The following ROBO2 variants were observed in gnomAD, a reference collection of about 807,000 sequenced individuals.
ROBO2 encodes the protein roundabout homolog 2.
In ROBO2, 53 loss-of-function variants were observed where a neutral mutation model predicts 160.8. The observed-to-expected ratio is 0.33, with a 90% CI of 0.26 to 0.41. The LOEUF (loss-of-function observed/expected upper bound fraction) is 0.41. Among genes scored for constraint, ROBO2 ranks in the 10% least tolerant of loss-of-function variants. The probability of loss-of-function intolerance (pLI) is 1.00; values close to 1 mark genes in which losing one functional copy is unlikely to be tolerated. For missense variants in ROBO2, 1,577 were observed against 1,722.4 expected (o/e 0.92, Z 1.49); for synonymous variants, 664 against 611.7 (o/e 1.09, Z -1.26).
intron 2 of ROBO2, among the ~76,000 whole-genome samples, chr3:76,349,632 C>T (rs919542764): frequency 2.6e-5 from 4 of 152,084 alleles, no homozygotes; most frequent in African/African-American, 9.7e-5. Context: ...TGGAAAGGGT[C>T]TGAGATTTCA....
chr3:77,446,397 T>G (rs1479028033), intron 2 of ROBO2, among the ~76,000 whole-genome samples: 1 of 152,100 alleles, frequency 6.6e-6, no homozygotes, highest in Admixed American at 6.6e-5. Context: ...ATATTAAGAC[T>G]ACTATACCAC....
intron 2 of ROBO2, among the ~76,000 whole-genome samples, chr3:76,419,354 G>A (rs1318707975): frequency 4.6e-5 from 7 of 152,192 alleles, no homozygotes; most frequent in East Asian, 1.9e-4. Context: ...CAGCATAGGC[G>A]TAAGCTGTGT....
chr3:77,017,245 T>A (rs1422863242), intron 2 of ROBO2, among the ~76,000 whole-genome samples: 1 of 152,198 alleles, frequency 6.6e-6, no homozygotes, highest in Non-Finnish European at 1.5e-5. Flanking sequence ...AAATAATCAG[T>A]CTTTGGGTCT....
At chr3:76,721,470 T>C (rs1220659484) in intron 2 of ROBO2, among the ~76,000 whole-genome samples, 1 of 152,226 alleles carries the variant, frequency 6.6e-6, no homozygotes, top group Non-Finnish European at 1.5e-5. Context: ...TTTCAGTTTA[T>C]TAAGTTCCTT....
intron 2 of ROBO2, among the ~76,000 whole-genome samples, chr3:76,600,900 C>T (rs1481956548): frequency 1.3e-5 from 2 of 152,130 alleles, no homozygotes; most frequent in Admixed American, 1.3e-4. Flanking sequence ...AAGTTCCTCC[C>T]ACCTATGAGC....
intron 2 of ROBO2, among the ~76,000 whole-genome samples, chr3:77,193,182 TC>T (rs1277508922): frequency 1.3e-5 from 2 of 151,730 alleles, no homozygotes; most frequent in African/African-American, 2.4e-5. Flanking sequence ...AGAAACCACG[TC>T]CCAGGCGAAG....
chr3:77,062,707 T>A (rs1225373098), intron 1 of ROBO2, among the ~76,000 whole-genome samples: 1 of 152,162 alleles, frequency 6.6e-6, no homozygotes, highest in East Asian at 1.9e-4. Flanking sequence ...CACTGCAAGG[T>A]ACTTAGCACT....
At chr3:76,666,023 TTA>T (rs1373353161) in intron 2 of ROBO2, among the ~76,000 whole-genome samples, 1 of 122,714 alleles carries the variant, frequency 8.1e-6, no homozygotes, top group Non-Finnish European at 1.8e-5. Context: ...ATATTATATA[TTA>T]TATATATTAT....
At chr3:77,022,374 C>T (rs2062692296) in intron 2 of ROBO2, among the ~76,000 whole-genome samples, 1 of 152,122 alleles carries the variant, frequency 6.6e-6, no homozygotes, top group African/African-American at 2.4e-5. Context: ...TGTCTCAAAA[C>T]AAGCAAACAA....
chr3:76,099,380 T>G (rs1436167294), intron 2 of ROBO2, among the ~76,000 whole-genome samples: 1 of 132,220 alleles, frequency 7.6e-6, no homozygotes, highest in Non-Finnish European at 1.6e-5. Context: ...GTGAAGAGCA[T>G]AGATCTGCAT....
At chr3:76,094,997 CAAT>C (rs2069380568) in intron 2 of ROBO2, among the ~76,000 whole-genome samples, 1 of 151,966 alleles carries the variant, frequency 6.6e-6, no homozygotes, top group East Asian at 1.9e-4. Flanking sequence ...ATAATATAAA[CAAT>C]AATCTCAGCA....
intron 2 of ROBO2, among the ~76,000 whole-genome samples, chr3:76,263,782 C>A (rs754112222): frequency 6.6e-6 from 1 of 152,040 alleles, no homozygotes; most frequent in Non-Finnish European, 1.5e-5. Context: ...ATGTTTATTG[C>A]AGCACTATTT....
chr3:76,726,008 T>C (rs748363052), intron 2 of ROBO2, among the ~76,000 whole-genome samples: 9 of 152,204 alleles, frequency 5.9e-5, no homozygotes, highest in Non-Finnish European at 1.3e-4. Flanking sequence ...GTGTTCAAGA[T>C]TGGGTCCCTT....
intron 2 of ROBO2, among the ~76,000 whole-genome samples, chr3:76,071,636 A>G (rs1247524377): frequency 6.6e-6 from 1 of 152,096 alleles, no homozygotes; most frequent in Admixed American, 6.6e-5. Context: ...ATTGTGAGCA[A>G]TTTGCTCATT....
At chr3:77,459,075 A>G (rs571616824) in intron 2 of ROBO2, among the ~76,000 whole-genome samples, 36 of 152,324 alleles carry the variant, frequency 2.4e-4, no homozygotes, top group African/African-American at 8.2e-4. Context: ...GCAATATTTT[A>G]AAATAAACAT....
intron 2 of ROBO2, among the ~76,000 whole-genome samples, chr3:76,351,773 C>T (rs1424622802): frequency 2.0e-5 from 3 of 151,742 alleles, no homozygotes; most frequent in Admixed American, 1.3e-4. Flanking sequence ...GGTTTAATTT[C>T]CACATCTACC....
chr3:77,617,066 A>C (rs989448413), intron 21 of ROBO2, among the ~76,000 whole-genome samples: 1 of 152,230 alleles, frequency 6.6e-6, no homozygotes, highest in Non-Finnish European at 1.5e-5. Context: ...TCAGATATCT[A>C]GAACAAGAAC....
At chr3:76,996,686 CAGTACATTCTTACCAAGTCG>C (rs963784183) in intron 2 of ROBO2, among the ~76,000 whole-genome samples, 2 of 152,122 alleles carry the variant, frequency 1.3e-5, no homozygotes, top group Admixed American at 6.5e-5. Flanking sequence ...TTTTAATGTC[CAGTACATTCTTACCAAGTCG>C]AGTACATTCT....
intron 2 of ROBO2, among the ~76,000 whole-genome samples, chr3:76,466,178 C>A (rs1298313987): frequency 6.6e-6 from 1 of 151,678 alleles, no homozygotes; most frequent in Non-Finnish European, 1.5e-5. Context: ...AAACTGTATA[C>A]CTACATATGA....
Sources: gnomAD v4.1 joint callset for allele counts (sites outside exome capture counted in the v4.1 genomes callset) on GRCh38, gnomAD v4.1.1 for gene constraint, MANE v1.5 for transcripts, NCBI Gene and HGNC (gene_info 2026-07-23, HGNC 2026-07-21) for gene names.